The following DACH2 variants were observed in gnomAD, a reference collection of about 807,000 sequenced individuals.
DACH2 encodes the protein dachshund family transcription factor 2.
In DACH2, 17 loss-of-function variants were observed where a neutral mutation model predicts 35.8. That is an observed-to-expected ratio of 0.48 (90% CI 0.33 to 0.71). DACH2 has a LOEUF of 0.71. Among genes scored for constraint, DACH2 ranks in the 30% least tolerant of loss-of-function variants. The pLI is 0.02. For missense variants in DACH2, 469 were observed against 472.7 expected, an observed-to-expected ratio of 0.99 and a Z score of 0.07; for synonymous variants, 195 against 177.3, an observed-to-expected ratio of 1.10 and a Z score of -0.79.
intron 5 of DACH2, among the ~76,000 whole-genome samples, chrX:86,705,453 A>T (rs2041205196): frequency 9.0e-6 from 1 of 111,368 alleles, no homozygotes; most frequent in African/African-American, 3.3e-5. Flanking sequence ...AAGAAATAAG[A>T]AAAAAGATAT....
chrX:86,228,548 C>G (rs1351478788), intron 1 of DACH2, among the ~76,000 whole-genome samples: 1 of 110,890 alleles, frequency 9.0e-6, no homozygotes, highest in African/African-American at 3.3e-5. Flanking sequence ...CACTGTTTTC[C>G]ATAGTGGCTG....
rs139646600 is a variant in DACH2 at position 86,613,395 on chromosome X, C to T, written c.641-37641C>T. On this transcript the variant is annotated intron_variant, in intron 3 of 11. Coordinates refer to ENST00000373125, the MANE Select transcript of DACH2 (RefSeq NM_053281.3). The stretch of plus-strand genomic sequence containing the variant: ...CTTTACTCCGTGCTGACTAGTGCTC[C>T]TGGCACCTTTCTATTTCAATGCTTA... Among the ~76,000 whole-genome samples the T allele has an allele frequency of 9.0e-3, 993 of 110,936 alleles. 6 individuals are homozygous for T. Among genetic ancestry groups the T allele is most frequent in the African/African-American group, 0.031 (949 of 30,583 alleles).
chrX:86,375,134 G>A (rs1190736825), intron 1 of DACH2, among the ~76,000 whole-genome samples: 1 of 107,469 alleles, frequency 9.3e-6, no homozygotes, highest in African/African-American at 3.4e-5. Context: ...CAAATATCAA[G>A]GTAAACTCCT....
intron 6 of DACH2, among the ~76,000 whole-genome samples, chrX:86,729,924 T>G (rs1447479359): frequency 9.0e-6 from 1 of 111,522 alleles, no homozygotes; most frequent in East Asian, 2.8e-4. Context: ...CATCTCATTT[T>G]TTTTTATAAA....
chrX:86,601,613 A>G (rs1030387462), intron 3 of DACH2, among the ~76,000 whole-genome samples: 1 of 112,169 alleles, frequency 8.9e-6, no homozygotes, highest in Non-Finnish European at 1.9e-5. Flanking sequence ...ACAGTTCTAG[A>G]CATTTTTGAA....
intron 1 of DACH2, among the ~76,000 whole-genome samples, chrX:86,262,269 T>A (rs772215961): frequency 1.4e-4 from 15 of 110,935 alleles, no homozygotes; most frequent in African/African-American, 4.9e-4. Context: ...GCCTGGGCAA[T>A]AGAGGGAGAC....
At chrX:86,719,261 A>G (rs904293439) in intron 6 of DACH2, among the ~76,000 whole-genome samples, 2 of 111,589 alleles carry the variant, frequency 1.8e-5, no homozygotes, top group Non-Finnish European at 1.9e-5. Flanking sequence ...TTATTTGTTT[A>G]TCTGCTGGAT....
intron 2 of DACH2, among the ~76,000 whole-genome samples, chrX:86,473,399 T>C (rs189809082): frequency 5.0e-4 from 55 of 110,909 alleles, no homozygotes; most frequent in Middle Eastern, 4.6e-3. Context: ...TTTTTAAAAA[T>C]GTACAATTAA....
chrX:86,591,033 C>T (rs1042735129), intron 3 of DACH2, among the ~76,000 whole-genome samples: 2 of 109,657 alleles, frequency 1.8e-5, no homozygotes, highest in African/African-American at 3.3e-5. Flanking sequence ...CATGTGTTCT[C>T]ATTGTTCAAT....
Position 86,597,944 on chromosome X carries a change from G to A in DACH2, c.641-53092G>A, listed in dbSNP as rs78342709. 0.013 allele frequency among the ~76,000 whole-genome samples: 1,428 copies of A among 111,720 alleles called. 47 individuals are homozygous for A. The East Asian group carries it at 0.14, about 11-fold the overall frequency. ...AGAGGTAATGGACTTACAGTCCCAC[G>A]TGGCTGGGGAGGCCTCGCAATCATG... is the stretch of plus-strand genomic sequence containing the variant. On this transcript the variant is annotated intron_variant, in intron 3 of 11. Transcript: ENST00000373125.
chrX:86,606,185 T>C (rs771447733), intron 3 of DACH2, among the ~76,000 whole-genome samples: 2 of 111,315 alleles, frequency 1.8e-5, no homozygotes, highest in Admixed American at 1.9e-4. Flanking sequence ...TGGGCATGCT[T>C]CTTCTGCTCT....
chrX:86,284,316 A>G (rs2034100009), intron 1 of DACH2, among the ~76,000 whole-genome samples: 1 of 111,716 alleles, frequency 9.0e-6, no homozygotes, highest in Admixed American at 9.5e-5. Context: ...GAATTTTATC[A>G]AATGCCTTTT....
intron 1 of DACH2, among the ~76,000 whole-genome samples, chrX:86,302,061 T>G (rs2034585768): frequency 8.9e-6 from 1 of 111,946 alleles, no homozygotes; most frequent in South Asian, 3.7e-4. Context: ...TTGGCTTAAA[T>G]GTCTTGTACT....
chrX:86,565,908 C>A (rs747792692), intron 3 of DACH2, among the ~76,000 whole-genome samples: 15 of 111,752 alleles, frequency 1.3e-4, no homozygotes, highest in South Asian at 3.7e-4. Flanking sequence ...AATCTAGTTT[C>A]TTTTCTCTTT....
chrX:86,569,569 C>A (rs1035657563), intron 3 of DACH2, among the ~76,000 whole-genome samples: 1 of 111,151 alleles, frequency 9.0e-6, no homozygotes, highest in African/African-American at 3.3e-5. Flanking sequence ...GACTTAAACT[C>A]GGCATTTTGA....
chrX:86,171,626 A>G (rs1019552539), intron 1 of DACH2, among the ~76,000 whole-genome samples: 3 of 111,150 alleles, frequency 2.7e-5, no homozygotes, highest in Non-Finnish European at 5.7e-5. Context: ...CTGCTCTAAC[A>G]TGACAGCACT....
intron 1 of DACH2, among the ~76,000 whole-genome samples, chrX:86,278,030 G>T (rs979659914): frequency 8.9e-6 from 1 of 111,778 alleles, no homozygotes; most frequent in African/African-American, 3.3e-5. Context: ...TCAGTGGTTA[G>T]ACCGAGAAGA....
At chrX:86,191,000 G>A (rs1408137795) in intron 1 of DACH2, among the ~76,000 whole-genome samples, 5 of 112,015 alleles carry the variant, frequency 4.5e-5, no homozygotes, top group African/African-American at 1.6e-4. Context: ...AGGTTGTGGA[G>A]AAAAGAGAAC....
At chrX:86,260,106 CT>C (rs1413435260) in intron 1 of DACH2, among the ~76,000 whole-genome samples, 39 of 110,750 alleles carry the variant, frequency 3.5e-4, no homozygotes, top group Admixed American at 2.6e-3. Flanking sequence ...TGTCTATACT[CT>C]TTTTTTGCAA....
Sources: allele counts gnomAD v4.1 joint callset (sites outside exome capture counted in the v4.1 genomes callset), GRCh38; gene constraint gnomAD v4.1.1; transcripts MANE v1.5; gene names NCBI Gene and HGNC (gene_info 2026-07-23, HGNC 2026-07-21).